The following ASAH1 variants were observed in gnomAD, a reference collection of about 807,000 sequenced individuals.
ASAH1 encodes the protein acid ceramidase.
Under a neutral mutation model 59.5 loss-of-function variants are expected in ASAH1, and 70 were observed. The observed-to-expected ratio is 1.18, with a 90% CI of 0.97 to 1.43. ASAH1 has a LOEUF of 1.43. Ranked by LOEUF, ASAH1 falls within the 40% of genes most tolerant of loss-of-function variation. The pLI is 0.00. For missense variants in ASAH1, 660 were observed against 482.5 expected (o/e 1.37, Z -3.45); for synonymous variants, 213 against 166.5 (o/e 1.28, Z -2.15).
chr8:18,063,214 C>T lies in ASAH1; in HGVS notation c.474G>A (p.Gly158=). Residue 158 remains glycine, a synonymous_variant, in exon 7 of 14, where the codon GGG becomes GGA. Coordinates refer to ENST00000637790, the MANE Select transcript of ASAH1 (RefSeq NM_177924.5). ...GAAATACTCCAAAATCCATGTTTCT[C>T]CCATGTATTAGATGACCTATTTGAA... ...AEDKKGHLIH[G]RNMDFGVFLG... is the part of the protein sequence containing the mutation. The T allele has an allele frequency of 6.2e-7, 1 of 1,613,784 alleles. No homozygotes were observed. Among genetic ancestry groups the T allele is most frequent in the South Asian group, 1.1e-5 (1 of 91,070 alleles).
At chr8:18,084,194 G>T (rs1800792686), upstream of ASAH1, 2 of 1,528,478 alleles carry the variant, frequency 1.3e-6, no homozygotes, top group Admixed American at 2.0e-5. Flanking sequence ...TAGGGGGAAC[G>T]CTCGGAGGAG....
chr8:18,084,077 C>A lies in ASAH1; in HGVS notation c.-19G>T, dbSNP rs761650032. On this transcript the variant is annotated 5_prime_UTR_variant, in exon 1 of 14. Transcript: ENST00000637790. ...CCGGCATCGCTCTAGCAGCCAACGC[C>A]ACTCCCCGGACTCCAGCAGAGGCAA... is the stretch of plus-strand genomic sequence containing the variant. The A allele has an allele frequency of 9.4e-6, 15 of 1,598,148 alleles. No individual in the cohort carries two copies. The highest frequency in any genetic ancestry group is 1.3e-5 in the Non-Finnish European group (15 of 1,179,634).
At chr8:18,061,622 C>A in intron 9 of ASAH1, 64 bp downstream of exon 9, 2 of 1,520,810 alleles carry the variant, frequency 1.3e-6, no homozygotes, top group Admixed American at 1.9e-5. Flanking sequence ...CCAGAAGGCA[C>A]AGTCCAGCCT....
intron 7 of ASAH1, 89 bp from the exon 8 acceptor site, chr8:18,062,512 CTTTA>C: frequency 1.4e-6 from 2 of 1,401,840 alleles, no homozygotes; most frequent in Non-Finnish European, 2.0e-6. Flanking sequence ...ACACTAGGAG[CTTTA>C]TTTACCGAGT....
At chr8:18,075,643 A>G in intron 1 of ASAH1, 56 bp from the exon 2 acceptor site, 1 of 1,536,966 alleles carries the variant, frequency 6.5e-7, no homozygotes, top group Non-Finnish European at 9.0e-7. Context: ...CCAACGGAAT[A>G]AGCAATTTCA....
intron 1 of ASAH1, among the ~76,000 whole-genome samples, chr8:18,078,229 A>C (rs1308501269): frequency 6.6e-6 from 1 of 152,174 alleles, no homozygotes; most frequent in Non-Finnish European, 1.5e-5. Context: ...ATAAACATCA[A>C]ATTACAGGCA....
rs759612005 is a variant in ASAH1 at position 18,063,180 on chromosome 8, C to T, written c.503+5G>A. On this transcript the variant is annotated splice_donor_5th_base_variant and intron_variant, in intron 7 of 13. Coordinates refer to ENST00000637790, the MANE Select transcript of ASAH1 (RefSeq NM_177924.5). The stretch of plus-strand genomic sequence containing the variant: ...ACCATGCCTGACCCTTTGTTCTTTA[C>T]TTACCCAAGAAATACTCCAAAATCC... The T allele has an allele frequency of 1.9e-6, 3 of 1,613,620 alleles. No individual in the cohort carries two copies. The highest frequency in any genetic ancestry group is 2.7e-5 in the African/African-American group (2 of 74,912).
chr8:18,062,391 G>A lies in ASAH1; in HGVS notation c.536C>T (p.Thr179Ile), dbSNP rs766257867. The A allele has an allele frequency of 6.2e-7, 1 of 1,614,130 alleles. No individual in the cohort carries two copies. Among genetic ancestry groups the A allele is most frequent in the African/African-American group, 1.3e-5 (1 of 75,042 alleles). The change falls in exon 8 of 14, where the codon ACT becomes ATT. Residue 179 changes from threonine to isoleucine, a missense_variant. Physicochemically the swap from Thr to Ile is moderately conservative, Grantham distance 89. Transcript: ENST00000637790. ...WNINNDTWVI[T>I]EQLKPLTVNL... ...CACTGTTAAAGGTTTTAGTTGCTCA[G>A]TTATGACCCAGGTATCATTATTTAT...
At chr8:18,067,109 G>GCTGTATATCTAAGACATACAGCACCTGTA in intron 5 of ASAH1, 111 bp downstream of exon 5, 3 of 487,600 alleles carry the variant, frequency 6.2e-6, no homozygotes, top group Non-Finnish European at 8.5e-6. Flanking sequence ...GTGCACCTGT[G>GCTGTATATCTAAGACATACAGCACCTGTA]CTGTATATCT....
chr8:18,067,525 T>G, intron 4 of ASAH1: 5 of 195,698 alleles, frequency 2.6e-5, no homozygotes, highest in East Asian at 2.6e-4. Flanking sequence ...TGGGCCCCTA[T>G]ACAGAGACCA....
chr8:18,079,325 T>C (rs1800552559), intron 1 of ASAH1, among the ~76,000 whole-genome samples: 1 of 151,632 alleles, frequency 6.6e-6, no homozygotes, highest in Non-Finnish European at 1.5e-5. Context: ...AAAAGACTGT[T>C]TGGGTCAGAA....
Position 18,059,679 on chromosome 8 carries a change from C to G in ASAH1, c.810G>C (p.Leu270Phe). The G allele has an allele frequency of 1.2e-6, 2 of 1,614,010 alleles. No homozygotes were observed. The highest frequency in any genetic ancestry group is 1.7e-6 in the Non-Finnish European group (2 of 1,179,974). Reference sequence around the variant, plus strand: ...CTGGGGCCAATATCTTGGTCTTGGTCAATAAATTCTTGGCTTCTTCATAAC... The same window carrying G: ...CTGGGGCCAATATCTTGGTCTTGGTGAATAAATTCTTGGCTTCTTCATAAC... ...STSYEEAKNL[L>F]TKTKILAPAY... is the part of the protein sequence containing the mutation. The change falls in exon 11 of 14, where the codon TTG becomes TTC. Residue 270 changes from leucine to phenylalanine, a missense_variant. Transcript: ENST00000637790.
At chr8:18,058,086 C>G (rs986006800) in intron 13 of ASAH1, 1 of 153,986 alleles carries the variant, frequency 6.5e-6, no homozygotes, top group Non-Finnish European at 1.4e-5. Flanking sequence ...GTGGGGGAAA[C>G]TGCAGGCACC....
At chr8:18,067,094 G>C (rs1799957129) in intron 5 of ASAH1, 126 bp downstream of exon 5, 3 of 119,554 alleles carry the variant, frequency 2.5e-5, no homozygotes, top group Non-Finnish European at 8.6e-5. Context: ...GTATATCTAA[G>C]ACCTGTGCAC....
intron 10 of ASAH1, chr8:18,060,015 G>C (rs1799626199): frequency 6.2e-6 from 2 of 320,740 alleles, no homozygotes; most frequent in Non-Finnish European, 6.0e-6. Flanking sequence ...TCACTTATGA[G>C]TGAGAACATG....
At chr8:18,062,721 A>G in intron 7 of ASAH1, 1 of 432,484 alleles carries the variant, frequency 2.3e-6, no homozygotes, top group East Asian at 5.0e-5. Context: ...ATGGACACAT[A>G]AAATAGAAGA....
upstream of ASAH1, chr8:18,084,770 G>C (rs745804804): frequency 1.2e-6 from 2 of 1,613,706 alleles, no homozygotes; most frequent in Non-Finnish European, 1.7e-6. Flanking sequence ...GGACCCGCGA[G>C]CTTTCTCTCC....
chr8:18,067,079 G>A (rs1799956421), intron 5 of ASAH1, 141 bp downstream of exon 5: 1 of 199,948 alleles, frequency 5.0e-6, no homozygotes, highest in Non-Finnish European at 1.1e-5. Flanking sequence ...AAGCTTCACT[G>A]AGCTGTATAT....
Position 18,069,887 on chromosome 8 carries a change from T to C in ASAH1, c.217-9A>G. 2 of 1,544,262 alleles carry C rather than the reference T, an allele frequency of 1.3e-6. No homozygotes were observed. The highest frequency in any genetic ancestry group is 1.8e-6 in the Non-Finnish European group (2 of 1,122,468). ...TTCACTATAACCTTTAGCTGAAAAA[T>C]AAATAAAATGCTTACTAAAAGACAT... On this transcript the variant is annotated splice_polypyrimidine_tract_variant and intron_variant, in intron 3 of 13. Transcript: ENST00000637790.
Sources: gnomAD v4.1 joint callset for allele counts (sites outside exome capture counted in the v4.1 genomes callset) on GRCh38, gnomAD v4.1.1 for gene constraint, MANE v1.5 for transcripts, NCBI Gene and HGNC (gene_info 2026-07-23, HGNC 2026-07-21) for gene names.